FAM178B: variants seen among roughly 807,000 people sequenced by gnomAD.
FAM178B encodes the protein protein FAM178B.
In FAM178B, 82 loss-of-function variants were observed where a neutral mutation model predicts 91.7. The observed-to-expected ratio is 0.89, with a 90% confidence interval of 0.75 to 1.07. The LOEUF (loss-of-function observed/expected upper bound fraction) is 1.07, where lower values mean the gene tolerates loss of function less well. Among genes scored for constraint, FAM178B ranks in the 50% least tolerant of loss-of-function variants. FAM178B has a pLI of 0.00. For missense variants in FAM178B, 769 were observed against 846.7 expected, an observed-to-expected ratio of 0.91 and a Z score of 1.14; for synonymous variants, 368 against 359.4, an observed-to-expected ratio of 1.02 and a Z score of -0.27.
chr2:96,899,088 G>A (rs868329159), intron 13 of FAM178B, among the ~76,000 whole-genome samples: 3 of 152,254 alleles, frequency 2.0e-5, no homozygotes, highest in Admixed American at 6.5e-5. Context: ...CCTGGGAGGA[G>A]GCTGTGAGCA....
intron 12 of FAM178B, among the ~76,000 whole-genome samples, chr2:96,913,533 T>G (rs7591775): frequency 3.2e-4 from 48 of 151,826 alleles, no homozygotes; most frequent in African/African-American, 1.1e-3. Flanking sequence ...GAAACGAGGG[T>G]TTCGAGGGAA....
chr2:96,921,027 A>G (rs1170608450), intron 12 of FAM178B, 138 bp downstream of exon 12: 25 of 669,138 alleles, frequency 3.7e-5, no homozygotes, highest in Non-Finnish European at 5.8e-5. Flanking sequence ...AGTGAGTTAT[A>G]TTTTTAGTTC....
chr2:96,905,866 T>A (rs1245363047), intron 12 of FAM178B, among the ~76,000 whole-genome samples: 798 of 34,464 alleles, frequency 0.023, 50 homozygotes, highest in African/African-American at 0.029. Flanking sequence ...ATATATTTTT[T>A]TTTTTTTTTT....
Position 96,972,238 on chromosome 2 carries a change from C to T in FAM178B, c.227G>A (p.Arg76His), listed in dbSNP as rs770825809. 3.0e-5 allele frequency: 46 copies of T among 1,525,130 alleles called. No individual in the cohort carries two copies. The highest frequency in any genetic ancestry group is 1.9e-4 in the Admixed American group (9 of 46,232). The allele number at this position is 1,525,130 out of a possible 1,614,324, so 94.5% of individuals were successfully genotyped here. ...LSDHPLDQGP[R>H]CPARRPCSPA... Reference sequence around the variant, plus strand: ...GCTGCAGGGCCGCCGGGCAGGGCAGCGGGGCCCCTGGTCCAGGGGATGGTC... The same window carrying T: ...GCTGCAGGGCCGCCGGGCAGGGCAGTGGGGCCCCTGGTCCAGGGGATGGTC... Residue 76 changes from arginine to histidine, a missense_variant, in exon 3 of 17, where the codon CGC (arginine) becomes CAC (histidine). Physicochemically the swap from Arg to His is conservative, Grantham distance 29. Transcript: ENST00000490605.
rs189449430 is a variant in FAM178B at position 96,939,369 on chromosome 2, G to A, written c.1078+8449C>T. Among the ~76,000 whole-genome samples, 150 of 151,634 alleles carry A rather than the reference G, an allele frequency of 9.9e-4. 5 individuals are homozygous for A. The East Asian group carries it at 0.023, about 24-fold the overall frequency. On this transcript the variant is annotated intron_variant, in intron 8 of 16. Coordinates refer to ENST00000490605, the MANE Select transcript of FAM178B (RefSeq NM_001122646.3). ...AATTTAGCTGGGTGTGGTGGTGGGC[G>A]CCTGTAATCCCAGCTACTCGGGAGG...
At chr2:96,913,375 C>T (rs1574238092) in intron 12 of FAM178B, among the ~76,000 whole-genome samples, 1 of 152,112 alleles carries the variant, frequency 6.6e-6, no homozygotes, top group Admixed American at 6.5e-5. Context: ...ACTGTTTGGC[C>T]GTGCAGTTTC....
At chr2:96,926,358 T>G (rs1450626513) in intron 9 of FAM178B, among the ~76,000 whole-genome samples, 1 of 151,786 alleles carries the variant, frequency 6.6e-6, no homozygotes, top group Non-Finnish European at 1.5e-5. Context: ...AGGAAACAGC[T>G]CCAGACTTTT....
chr2:96,936,857 C>T (rs1389086184), intron 8 of FAM178B, among the ~76,000 whole-genome samples: 1 of 151,928 alleles, frequency 6.6e-6, no homozygotes, highest in Non-Finnish European at 1.5e-5. Context: ...GGGGTCTCCA[C>T]ACACCATTTC....
intron 14 of FAM178B, among the ~76,000 whole-genome samples, chr2:96,893,154 C>T (rs771915866): frequency 4.6e-5 from 7 of 152,184 alleles, no homozygotes; most frequent in South Asian, 2.1e-4. Context: ...TTACCATCTT[C>T]CCCAATTATA....
chr2:96,897,874 C>T (rs1229665968), intron 13 of FAM178B: 1 of 825,010 alleles, frequency 1.2e-6, no homozygotes, highest in Non-Finnish European at 1.5e-6. Flanking sequence ...AAAACCCTCA[C>T]CGTAGCCTTG....
intron 12 of FAM178B, among the ~76,000 whole-genome samples, chr2:96,904,174 C>T (rs1236953984): frequency 6.6e-6 from 1 of 151,972 alleles, no homozygotes; most frequent in East Asian, 1.9e-4. Context: ...AAAGGAGAGG[C>T]ACTAGAAGGT....
intron 8 of FAM178B, among the ~76,000 whole-genome samples, chr2:96,936,091 C>T (rs2081621148): frequency 6.6e-6 from 1 of 152,042 alleles, no homozygotes; most frequent in Non-Finnish European, 1.5e-5. Flanking sequence ...AATGAGTATA[C>T]AGAAACTACT....
At chr2:96,886,743 G>A (rs2080530812) in intron 14 of FAM178B, among the ~76,000 whole-genome samples, 1 of 152,216 alleles carries the variant, frequency 6.6e-6, no homozygotes, top group Non-Finnish European at 1.5e-5. Context: ...TGTTCCTGCA[G>A]ACTGAGGATG....
At chr2:96,889,705 T>C (rs1055218090) in intron 14 of FAM178B, among the ~76,000 whole-genome samples, 3 of 130,860 alleles carry the variant, frequency 2.3e-5, no homozygotes, top group African/African-American at 8.4e-5. Context: ...AATAAATAAA[T>C]AAATAAATAA....
chr2:96,910,384 T>C (rs1364962893), intron 12 of FAM178B, among the ~76,000 whole-genome samples: 1 of 152,162 alleles, frequency 6.6e-6, no homozygotes, highest in Non-Finnish European at 1.5e-5. Flanking sequence ...TCCCACACTC[T>C]CTTAGGCTTT....
intron 10 of FAM178B, 102 bp from the exon 11 acceptor site, chr2:96,921,756 C>A (rs983441807): frequency 9.9e-6 from 12 of 1,207,584 alleles, no homozygotes; most frequent in Non-Finnish European, 1.3e-5. Context: ...AGGGATGGTA[C>A]TGTGAGCCCC....
intron 8 of FAM178B, among the ~76,000 whole-genome samples, chr2:96,940,709 A>C (rs1260614220): frequency 6.6e-6 from 1 of 152,202 alleles, no homozygotes; most frequent in East Asian, 1.9e-4. Flanking sequence ...TTTGGGGGCC[A>C]TGGAATATAT....
chr2:96,958,419 G>T (rs1370554336), intron 6 of FAM178B, among the ~76,000 whole-genome samples: 1 of 151,990 alleles, frequency 6.6e-6, no homozygotes, highest in African/African-American at 2.4e-5. Context: ...CAGGCGCAGT[G>T]GCTCACATCT....
intron 12 of FAM178B, among the ~76,000 whole-genome samples, chr2:96,905,001 T>A (rs1414424857): frequency 6.6e-6 from 1 of 151,492 alleles, no homozygotes. Flanking sequence ...GACCTCATGA[T>A]CTACCCACCT....
Sources: gnomAD v4.1 joint callset for allele counts (sites outside exome capture counted in the v4.1 genomes callset) on GRCh38, gnomAD v4.1.1 for gene constraint, MANE v1.5 for transcripts, NCBI Gene and HGNC (gene_info 2026-07-23, HGNC 2026-07-21) for gene names.